The following HFM1 variants were observed in gnomAD, a reference collection of about 807,000 sequenced individuals.
The protein encoded by HFM1 is probable ATP-dependent DNA helicase HFM1.
Under a neutral mutation model 192.1 loss-of-function variants are expected in HFM1, and 169 were observed. The ratio of observed to expected loss-of-function variants is 0.88; its 90% CI spans 0.78 to 1.00. The LOEUF (loss-of-function observed/expected upper bound fraction) is 1.00, where lower values mean the gene tolerates loss of function less well. Among genes scored for constraint, HFM1 ranks in the 50% least tolerant of loss-of-function variants. The probability of loss-of-function intolerance (pLI) is 0.00; values close to 1 mark genes in which losing one functional copy is unlikely to be tolerated. For synonymous variants in HFM1, 525 were observed against 537.8 expected, an observed-to-expected ratio of 0.98 and a Z score of 0.33; for missense variants, 1,661 against 1,668.0, an observed-to-expected ratio of 1.00 and a Z score of 0.07.
intron 38 of HFM1, 81 bp from the exon 39 acceptor site, chr1:91,261,440 A>G: frequency 1.8e-6 from 1 of 563,908 alleles, no homozygotes; most frequent in South Asian, 6.5e-5. Flanking sequence ...ATGTAATACT[A>G]AACACAATAA....
chr1:91,394,095 T>C lies in HFM1; in HGVS notation c.492A>G (p.Lys164=), dbSNP rs768284178. The part of the protein sequence containing the change: ...DKGESTSVFR[K]RLFKISDNIH... ...TTTAGTTTAATTATAATAATTACCT[T>C]TTCCGGAATACTGATGTGCTCTCTC... Residue 164 remains lysine (K), a splice_region_variant and synonymous_variant, in exon 4 of 39, where the codon AAA becomes AAG. Coordinates refer to ENST00000370425, the MANE Select transcript of HFM1 (RefSeq NM_001017975.6). 1.8e-5 allele frequency: 27 copies of C among 1,476,340 alleles called. No homozygotes were observed. The highest frequency in any genetic ancestry group is 2.0e-5 in the Admixed American group (1 of 49,068). 91.5% of individuals were successfully genotyped at this position (1,476,340 alleles called of 1,614,324 possible). A position where few individuals can be genotyped will look rare whatever the true frequency, so the allele number is the denominator to read the frequency against.
chr1:91,273,294 C>T lies in HFM1; in HGVS notation c.3772+418G>A, dbSNP rs1017912528. Among the ~76,000 whole-genome samples, 3 of 151,782 alleles carry T rather than the reference C, an allele frequency of 2.0e-5. No homozygotes were observed. In the East Asian group the frequency reaches 5.8e-4, roughly 29 times the overall value. On this transcript the variant is annotated intron_variant, in intron 34 of 38. Transcript: ENST00000370425. ...TTCATCTTAAAGATAAGACTAAAGC[C>T]CAAAGAGATTAAATAACTTGCCCAA...
chr1:91,357,518 T>G (rs897688285), intron 13 of HFM1, among the ~76,000 whole-genome samples: 1 of 152,146 alleles, frequency 6.6e-6, no homozygotes, highest in Admixed American at 6.5e-5. Flanking sequence ...GGGGAACAAC[T>G]GAAAGCTTTT....
chr1:91,361,415 C>T (rs961293973), intron 13 of HFM1, among the ~76,000 whole-genome samples: 4 of 152,104 alleles, frequency 2.6e-5, no homozygotes, highest in African/African-American at 9.7e-5. Flanking sequence ...TCAGAGAATA[C>T]TGTAAAGACC....
chr1:91,396,886 G>C (rs1224481793), intron 2 of HFM1, among the ~76,000 whole-genome samples: 1 of 152,214 alleles, frequency 6.6e-6, no homozygotes, highest in East Asian at 1.9e-4. Context: ...CGGCTGCACA[G>C]CAAGAGGTGA....
chr1:91,356,407 C>T (rs1657745837), intron 13 of HFM1, among the ~76,000 whole-genome samples: 1 of 151,910 alleles, frequency 6.6e-6, no homozygotes, highest in African/African-American at 2.4e-5. Flanking sequence ...CCACGCCTGG[C>T]TAATTTTGTA....
At chr1:91,327,528 T>C (rs562125224) in intron 20 of HFM1, among the ~76,000 whole-genome samples, 12 of 152,234 alleles carry the variant, frequency 7.9e-5, no homozygotes, top group African/African-American at 2.9e-4. Context: ...CCCAATATGA[T>C]GATAGCTGGA....
intron 3 of HFM1, among the ~76,000 whole-genome samples, chr1:91,394,660 G>A (rs1663430998): frequency 6.6e-6 from 1 of 151,888 alleles, no homozygotes; most frequent in Admixed American, 6.6e-5. Flanking sequence ...ATATGGCACT[G>A]CATTATAAAA....
intron 7 of HFM1, 48 bp downstream of exon 7, chr1:91,380,864 T>C: frequency 1.1e-6 from 1 of 884,578 alleles, no homozygotes; most frequent in Non-Finnish European, 1.9e-6. Context: ...CTAGTGATCA[T>C]AACCTAGTGA....
Position 91,328,489 on chromosome 1 carries a change from A to G in HFM1, c.2336-3723T>C, listed in dbSNP as rs529521810. The G allele has an allele frequency of 2.1e-5, 34 of 1,613,572 alleles. No homozygotes were observed. The East Asian group carries it at 6.2e-4, about 30-fold the overall frequency. ...CCGTAAGGTGGCCATTGATGCCTCT[A>G]TGAGCACTTATCAGTTCCTGATTGC... is the stretch of plus-strand genomic sequence containing the variant. On this transcript the variant is annotated intron_variant, in intron 20 of 38. Transcript: ENST00000370425.
chr1:91,369,850 T>A (rs1659917452), intron 13 of HFM1, among the ~76,000 whole-genome samples: 1 of 151,914 alleles, frequency 6.6e-6, no homozygotes, highest in Admixed American at 6.6e-5. Context: ...CTAGCAAGAC[T>A]AATAAAGAAG....
In HFM1 at chr1:91,261,354, T is replaced by TA; in HGVS notation, c.4243dup (p.Tyr1415LeufsTer4). Reference sequence around the variant, plus strand: ...TTCATCAGCTTCATCATCAGGATGATACATACTGGGAGAAAGAAGAAAAAG... The same window carrying TA: ...TTCATCAGCTTCATCATCAGGATGATAACATACTGGGAGAAAGAAGAAAAAG... On this transcript the variant is annotated frameshift_variant, in exon 39 of 39. Coordinates refer to ENST00000370425, the MANE Select transcript of HFM1 (RefSeq NM_001017975.6). LOFTEE classifies it high-confidence loss of function. 1.4e-6 allele frequency: 2 copies of TA among 1,391,746 alleles called. No individual in the cohort carries two copies. The highest frequency in any genetic ancestry group is 3.5e-5 in the South Asian group (2 of 57,730). The allele number at this position is 1,391,746 out of a possible 1,614,324, so 86.2% of individuals were successfully genotyped here.
chr1:91,278,815 A>T (rs1474087187), intron 30 of HFM1, among the ~76,000 whole-genome samples: 1 of 152,156 alleles, frequency 6.6e-6, no homozygotes, highest in Non-Finnish European at 1.5e-5. Flanking sequence ...CAGTATTCCC[A>T]ATTGAGCAAA....
rs2101473010 is a variant in HFM1, at chr1:91,329,026, G to A, written c.2336-4260C>T. On this transcript the variant is annotated intron_variant, in intron 20 of 38. Coordinates refer to ENST00000370425, the MANE Select transcript of HFM1 (RefSeq NM_001017975.6). ...TCCACCTGAGCTGGATTCTGCAGGA[G>A]CTAGAACCAGGAACAGTTTGTGGAT... The A allele has an allele frequency of 1.2e-5, 19 of 1,611,710 alleles. No individual in the cohort carries two copies. In the South Asian group the frequency reaches 1.8e-4, roughly 15 times the overall value.
At chr1:91,353,978 G>A (rs72970328) in intron 13 of HFM1, among the ~76,000 whole-genome samples, 14,829 of 147,910 alleles carry the variant, frequency 0.1, 780 homozygotes, top group East Asian at 0.16. Flanking sequence ...ACAAAGGAAC[G>A]CAATAATTCT....
In HFM1 at chr1:91,350,763, T is replaced by A. The variant is rs746849418; in HGVS notation, c.2181A>T (p.Arg727Ser). 1.2e-6 allele frequency: 2 copies of A among 1,611,700 alleles called. No homozygotes were observed. Among genetic ancestry groups the A allele is most frequent in the Non-Finnish European group, 1.7e-6 (2 of 1,178,950 alleles). ...CATAATGAGATGGATTTTTCAAGGC[T>A]CTGATATAAAGCAGAGTTGATCGTA... is the stretch of plus-strand genomic sequence containing the variant. Reference protein sequence around the residue: ...EWIRSTLLYIRALKNPSHYGF... With the variant: ...EWIRSTLLYISALKNPSHYGF... Residue 727 changes from arginine to serine, a missense_variant, in exon 18 of 39, where the codon AGA becomes AGT. By Grantham distance (110) the Arg-to-Ser change is moderately radical (BLOSUM62 -1). Transcript: ENST00000370425.
rs748152142 is a variant in HFM1 at position 91,314,036 on chromosome 1, T to G, written c.3165A>C (p.Gly1055=). ...KITDSVLLKA[G]SWAKKIAVKR... The stretch of plus-strand genomic sequence containing the variant: ...TCACAGCAATCTTTTTAGCCCAACT[T>G]CCAGCTTTTAGCAAAACAGAATCCC... Residue 1055 remains glycine (G), a synonymous_variant, in exon 29 of 39, where the codon GGA becomes GGC. Transcript: ENST00000370425. 3.7e-6 allele frequency: 6 copies of G among 1,608,858 alleles called. No homozygotes were observed. Among genetic ancestry groups the G allele is most frequent in the Non-Finnish European group, 5.1e-6 (6 of 1,176,498 alleles).
chr1:91,299,580 C>G (rs1187492585), intron 30 of HFM1, among the ~76,000 whole-genome samples: 4 of 152,174 alleles, frequency 2.6e-5, no homozygotes, highest in Non-Finnish European at 4.4e-5. Flanking sequence ...TTATAACAAA[C>G]TGTCTCTCAG....
Position 91,284,087 on chromosome 1 carries a change from G to A in HFM1, c.3392-7025C>T, listed in dbSNP as rs114844728. 6.7e-3 allele frequency among the ~76,000 whole-genome samples: 1,014 copies of A among 151,986 alleles called. 13 individuals carry two copies. The highest frequency in any genetic ancestry group is 0.023 in the African/African-American group (944 of 41,444). ...CAGAAAAGGAATACACTGAACTGGA[G>A]TCCTTGATTTTGCAACTTAATGCAC... On this transcript the variant is annotated intron_variant, in intron 30 of 38. Coordinates refer to ENST00000370425, the MANE Select transcript of HFM1 (RefSeq NM_001017975.6).
Sources: allele counts gnomAD v4.1 joint callset (sites outside exome capture counted in the v4.1 genomes callset), GRCh38; gene constraint gnomAD v4.1.1; transcripts MANE v1.5; gene names NCBI Gene and HGNC (gene_info 2026-07-23, HGNC 2026-07-21).